The following RNF216 variants were observed in gnomAD, a reference collection of about 807,000 sequenced individuals.
RNF216 encodes ring finger protein 216, also known as E3 ubiquitin-protein ligase RNF216.
In RNF216, 72 loss-of-function variants were observed where a neutral mutation model predicts 110.8. That is an observed-to-expected ratio of 0.65 (90% CI 0.54 to 0.79). The LOEUF is 0.79. Ranked by LOEUF, RNF216 falls within the 30% of genes least tolerant of loss-of-function variation. The pLI, the probability that RNF216 is intolerant of heterozygous loss-of-function variation, is 0.00. For missense variants in RNF216, 1,342 were observed against 1,141.2 expected, an observed-to-expected ratio of 1.18 and a Z score of -2.54; for synonymous variants, 495 against 407.5, an observed-to-expected ratio of 1.21 and a Z score of -2.59.
intron 2 of RNF216, among the ~76,000 whole-genome samples, chr7:5,759,633 C>CTTTTT (rs560025609): frequency 7.6e-6 from 1 of 131,180 alleles, no homozygotes; most frequent in Non-Finnish European, 1.6e-5. Flanking sequence ...CATTTTTCTT[C>CTTTTT]TTTTTTTTTT....
intron 13 of RNF216, among the ~76,000 whole-genome samples, chr7:5,669,506 A>G (rs1290795641): frequency 6.6e-6 from 1 of 152,166 alleles, no homozygotes; most frequent in Non-Finnish European, 1.5e-5. Context: ...TAAGAGACCA[A>G]AAGATGCTAG....
intron 13 of RNF216, among the ~76,000 whole-genome samples, chr7:5,687,409 A>AAG (rs1554251843): frequency 6.7e-6 from 1 of 150,192 alleles, no homozygotes; most frequent in African/African-American, 2.4e-5. Flanking sequence ...AAAAAAAAAA[A>AAG]AAAAAGAAAA....
chr7:5,673,859 A>ATTTT (rs756283994), intron 13 of RNF216, among the ~76,000 whole-genome samples: 4 of 121,592 alleles, frequency 3.3e-5, no homozygotes, highest in Admixed American at 8.5e-5. Flanking sequence ...TCTTTCTCTC[A>ATTTT]TTTTTTTTTT....
At chr7:5,731,953 C>G (rs939556859) in intron 5 of RNF216, among the ~76,000 whole-genome samples, 1 of 152,176 alleles carries the variant, frequency 6.6e-6, no homozygotes, top group South Asian at 2.1e-4. Context: ...CACGTCAAAG[C>G]CTTCTCCCTC....
chr7:5,656,764 T>C (rs1019168685), intron 13 of RNF216, among the ~76,000 whole-genome samples: 1 of 152,258 alleles, frequency 6.6e-6, no homozygotes, highest in Admixed American at 6.5e-5. Context: ...CATTTTCTGC[T>C]GCCTGAATAA....
Position 5,623,008 on chromosome 7 carries a change from T to A in RNF216, c.2624A>T (p.Asn875Ile). The change falls in exon 17 of 17, where the codon AAC becomes ATC. Residue 875 changes from asparagine (N) to isoleucine (I), a missense_variant. Coordinates refer to ENST00000389902, the MANE Select transcript of RNF216 (RefSeq NM_207111.4). ...GATAGGCCCCATGTTGAGTGGGAAG[T>A]TGTTGAACACAGGCCGCACGGGAGG... ...PLPPVRPVFN[N>I]FPLNMGPIPA... is the part of the protein sequence containing the mutation. The A allele has an allele frequency of 6.2e-7, 1 of 1,613,960 alleles. No individual in the cohort carries two copies. The highest frequency in any genetic ancestry group is 8.5e-7 in the Non-Finnish European group (1 of 1,179,974).
At position 5,622,617 on chromosome 7, in the gene RNF216, G is replaced by A. The variant is rs930845066; in HGVS notation, c.*243C>T. The A allele has an allele frequency of 7.8e-5, 39 of 501,014 alleles. No individual in the cohort carries two copies. In the South Asian group the frequency reaches 1.2e-3, roughly 15 times the overall value. 31.0% of individuals were successfully genotyped at this position (501,014 alleles called of 1,614,324 possible). On this transcript the variant is annotated 3_prime_UTR_variant, in exon 17 of 17. Coordinates refer to ENST00000389902, the MANE Select transcript of RNF216 (RefSeq NM_207111.4). ...CTGCCGTTGGTGGCCTGGGGGATGC[G>A]AGGGGAGGGGCAGTTCACATCGCAG... is the stretch of plus-strand genomic sequence containing the variant.
intron 4 of RNF216, 177 bp from the exon 5 acceptor site, chr7:5,739,529 G>C: frequency 1.4e-6 from 1 of 697,664 alleles, no homozygotes; most frequent in East Asian, 2.9e-5. Flanking sequence ...TGTCTACATA[G>C]AAGATGAGGT....
At chr7:5,732,013 T>C (rs535456571) in intron 5 of RNF216, among the ~76,000 whole-genome samples, 42 of 152,262 alleles carry the variant, frequency 2.8e-4, no homozygotes, top group African/African-American at 8.9e-4. Context: ...AGGAGTCCCA[T>C]ATACTCTTCA....
intron 5 of RNF216, among the ~76,000 whole-genome samples, chr7:5,736,805 G>A (rs953150332): frequency 5.3e-5 from 8 of 151,608 alleles, no homozygotes; most frequent in East Asian, 3.9e-4. Context: ...GTCTCTGCCC[G>A]GCCGCCCCGT....
intron 3 of RNF216, among the ~76,000 whole-genome samples, chr7:5,746,067 G>C (rs1020207573): frequency 2.0e-5 from 3 of 152,124 alleles, no homozygotes. Context: ...TTGATATCTT[G>C]AGGTAACTCA....
intron 2 of RNF216, among the ~76,000 whole-genome samples, chr7:5,755,190 A>T (rs1474135906): frequency 1.5e-5 from 2 of 133,208 alleles, no homozygotes; most frequent in Non-Finnish European, 3.3e-5. Context: ...AGGAAGAAGG[A>T]AGGAAGGAAG....
chr7:5,643,213 C>T (rs1403176032), intron 14 of RNF216, among the ~76,000 whole-genome samples: 3 of 152,084 alleles, frequency 2.0e-5, no homozygotes, highest in Non-Finnish European at 2.9e-5. Flanking sequence ...CAAATGTCCA[C>T]TCAAGTCCTT....
intron 1 of RNF216, among the ~76,000 whole-genome samples, chr7:5,768,919 C>A (rs1430331993): frequency 6.6e-6 from 1 of 151,962 alleles, no homozygotes; most frequent in Non-Finnish European, 1.5e-5. Flanking sequence ...CCTCGACCTC[C>A]CAAAGTGCTG....
At position 5,741,379 on chromosome 7, in the gene RNF216, C is replaced by G. The variant is rs78387970; in HGVS notation, c.638G>C (p.Gly213Ala). 161 of 1,614,184 alleles carry G rather than the reference C, an allele frequency of 1.0e-4. 1 individual carries two copies. In the East Asian group the frequency reaches 3.2e-3, roughly 32 times the overall value. The change falls in exon 4 of 17, where the codon GGA (glycine) becomes GCA (alanine). Residue 213 changes from glycine to alanine, a missense_variant. Transcript: ENST00000389902. The part of the protein sequence containing the change: ...DSETELLSNL[G>A]ESAALADDQA... ...ATCATCTGCTAGAGCAGCTGACTCT[C>G]CTAGATTTGATAACAGCTCTGTCTC...
intron 5 of RNF216, among the ~76,000 whole-genome samples, chr7:5,738,389 C>G (rs1375908522): frequency 6.6e-6 from 1 of 151,822 alleles, no homozygotes; most frequent in Admixed American, 6.6e-5. Context: ...TATGTCTGGC[C>G]CGTATTTATC....
At chr7:5,630,723 GACA>G (rs775219059) in intron 15 of RNF216, among the ~76,000 whole-genome samples, 5 of 152,234 alleles carry the variant, frequency 3.3e-5, no homozygotes, top group African/African-American at 9.6e-5. Context: ...CAAGCACAGT[GACA>G]ACAACAGTAG....
At chr7:5,714,132 T>G (rs1057181116) in intron 11 of RNF216, among the ~76,000 whole-genome samples, 2 of 152,078 alleles carry the variant, frequency 1.3e-5, no homozygotes, top group African/African-American at 4.8e-5. Flanking sequence ...CTGGCTAATT[T>G]TTGTATTTTT....
chr7:5,687,394 C>CAA (rs372177142), intron 13 of RNF216, among the ~76,000 whole-genome samples: 1,918 of 49,764 alleles, frequency 0.039, 129 homozygotes, highest in African/African-American at 0.11. Context: ...AACTCCACCT[C>CAA]AAAAAAAAAA....
Sources: gnomAD v4.1 joint callset for allele counts (sites outside exome capture counted in the v4.1 genomes callset) on GRCh38, gnomAD v4.1.1 for gene constraint, MANE v1.5 for transcripts, NCBI Gene and HGNC (gene_info 2026-07-23, HGNC 2026-07-21) for gene names.